Variants in NDST1 observed in about 807,000 individuals in gnomAD.
NDST1 encodes the protein bifunctional heparan sulfate N-deacetylase/N-sulfotransferase 1.
NDST1 carries 35 observed loss-of-function variants against 92.8 expected under a neutral mutation model. That is an observed-to-expected ratio of 0.38 (90% CI 0.29 to 0.50). NDST1 has a LOEUF of 0.50. NDST1 is among the 20% of genes least tolerant of loss of function. The pLI is 0.94. For missense variants in NDST1, 822 were observed against 1,182.7 expected (o/e 0.69, Z 4.47); for synonymous variants, 493 against 500.3 (o/e 0.99, Z 0.19).
Position 150,522,549 on chromosome 5 carries a change from A to C in NDST1, c.513+782A>C, listed in dbSNP as rs377101839. 1.2e-4 allele frequency among the ~76,000 whole-genome samples: 18 copies of C among 152,206 alleles called. No individual in the cohort carries two copies. The East Asian group carries it at 3.5e-3, about 29-fold the overall frequency. ...TGGGACTCTTAGTTGGATGCTTTGG[A>C]GGTGGCAGGGAATTTGTTCCTTCAT... is the stretch of plus-strand genomic sequence containing the variant. On this transcript the variant is annotated intron_variant, in intron 2 of 14. Coordinates refer to ENST00000261797, the MANE Select transcript of NDST1 (RefSeq NM_001543.5).
chr5:150,545,635 A>G, intron 11 of NDST1, 149 bp downstream of exon 11: 1 of 1,001,452 alleles, frequency 1.0e-6, no homozygotes, highest in Non-Finnish European at 1.5e-6. Flanking sequence ...ATGGCTGAGA[A>G]TAGAGTCCTT....
intron 1 of NDST1, among the ~76,000 whole-genome samples, chr5:150,512,955 C>T (rs1341142996): frequency 6.6e-6 from 1 of 152,170 alleles, no homozygotes; most frequent in East Asian, 1.9e-4. Flanking sequence ...GTAATCCCAG[C>T]ACTTTGGGAA....
chr5:150,536,729 A>C (rs75432756), intron 6 of NDST1, among the ~76,000 whole-genome samples: 5,393 of 152,030 alleles, frequency 0.035, 329 homozygotes, highest in East Asian at 0.29. Context: ...CCATGCCTGG[A>C]TAATTTTGTA....
In NDST1 at chr5:150,545,324, C is replaced by G; in HGVS notation, c.1983C>G (p.Phe661Leu). 1 of 1,614,244 alleles carries G rather than the reference C, an allele frequency of 6.2e-7. No homozygotes were observed. The highest frequency in any genetic ancestry group is 8.5e-7 in the Non-Finnish European group (1 of 1,180,044). Residue 661 changes from phenylalanine (F) to leucine (L), a missense_variant, in exon 11 of 15, where the codon TTC (phenylalanine) becomes TTG (leucine). By Grantham distance (22) the Phe-to-Leu change is conservative. Coordinates refer to ENST00000261797, the MANE Select transcript of NDST1 (RefSeq NM_001543.5). ...GGGCTTCCTGCAGGTACATGGAGTT[C>G]TTCCCCATCCCTTCCAACACCACCT... ...YHKGIDWYMEFFPIPSNTTSD... is the reference protein window; with the variant it reads ...YHKGIDWYMELFPIPSNTTSD...
intron 8 of NDST1, among the ~76,000 whole-genome samples, chr5:150,540,650 T>C (rs747148821): frequency 6.6e-6 from 1 of 152,022 alleles, no homozygotes; most frequent in Non-Finnish European, 1.5e-5. Flanking sequence ...ACCCTGTCTC[T>C]ACAAAAAATA....
Position 150,521,917 on chromosome 5 carries a change from A to G in NDST1, c.513+150A>G. On this transcript the variant is annotated intron_variant, in intron 2 of 14. Transcript: ENST00000261797. The surrounding 1 kb of genome is among the most constrained non-coding windows in gnomAD (Gnocchi z 5.9). ...GAGTGAGTATATGTAAAGCACTGGG[A>G]GCATGCGGTGCCCACTGCCTGGCAA... 1 of 1,061,972 alleles carries G rather than the reference A, an allele frequency of 9.4e-7. No homozygotes were observed. Among genetic ancestry groups the G allele is most frequent in the South Asian group, 1.3e-5 (1 of 74,254 alleles). The allele number at this position is 1,061,972 out of a possible 1,614,324, so 65.8% of individuals were successfully genotyped here.
At chr5:150,513,693 T>C (rs1753828791) in intron 1 of NDST1, among the ~76,000 whole-genome samples, 1 of 152,142 alleles carries the variant, frequency 6.6e-6, no homozygotes, top group Non-Finnish European at 1.5e-5. Flanking sequence ...CATACCTGCT[T>C]TTATGGAGCT....
At chr5:150,531,644 C>T (rs1032511311) in intron 3 of NDST1, among the ~76,000 whole-genome samples, 12 of 150,200 alleles carry the variant, frequency 8.0e-5, no homozygotes, top group Non-Finnish European at 1.5e-4. Context: ...GGATTACAGG[C>T]GCCTGCCACC....
chr5:150,526,183 G>A lies in NDST1; in HGVS notation c.514-1621G>A, dbSNP rs10054051. Among the ~76,000 whole-genome samples, 698 of 152,272 alleles carry A rather than the reference G, an allele frequency of 4.6e-3. 7 individuals carry two copies. The highest frequency in any genetic ancestry group is 0.016 in the African/African-American group (673 of 41,552). On this transcript the variant is annotated intron_variant, in intron 2 of 14. Transcript: ENST00000261797. Reference sequence around the variant, plus strand: ...GTTAGCTCAAAAGTCCCTTTCTCCAGGAGACCTCCTGAGCCCACTAACTGT... The same window carrying A: ...GTTAGCTCAAAAGTCCCTTTCTCCAAGAGACCTCCTGAGCCCACTAACTGT...
Position 150,545,460 on chromosome 5 carries a change from G to C in NDST1, c.2119G>C (p.Ala707Pro). 1 of 1,614,212 alleles carries C rather than the reference G, an allele frequency of 6.2e-7. No homozygotes were observed. The change falls in exon 11 of 15, where the codon GCG becomes CCG. Residue 707 changes from alanine to proline, a missense_variant. Physicochemically the swap from Ala to Pro is conservative, Grantham distance 27. Transcript: ENST00000261797. ...AKVLTILINP[A>P]DRAYSWYQHQ... ...GGTCCTGACCATCCTCATCAACCCC[G>C]CGGACCGGGCCTATTCCTGGTACCA... is the stretch of plus-strand genomic sequence containing the variant.
Position 150,545,417 on chromosome 5 carries a change from C to A in NDST1, c.2076C>A (p.Ala692=), listed in dbSNP as rs1561607065. ...AAGTGGCGCCCCGGCGGGCAGCAGC[C>A]CTCTTGCCCAAAGCCAAGGTCCTGA... is the stretch of plus-strand genomic sequence containing the variant. ...DSEVAPRRAA[A]LLPKAKVLTI... Residue 692 remains alanine (A), a synonymous_variant, in exon 11 of 15, where the codon GCC becomes GCA. Coordinates refer to ENST00000261797, the MANE Select transcript of NDST1 (RefSeq NM_001543.5). 1 of 1,614,254 alleles carries A rather than the reference C, an allele frequency of 6.2e-7. No homozygotes were observed. Among genetic ancestry groups the A allele is most frequent in the Non-Finnish European group, 8.5e-7 (1 of 1,180,042 alleles).
At chr5:150,499,435 CT>C (rs1459267368) in intron 1 of NDST1, among the ~76,000 whole-genome samples, 1 of 152,214 alleles carries the variant, frequency 6.6e-6, no homozygotes, top group Non-Finnish European at 1.5e-5. Context: ...CTATGAACCA[CT>C]TTCTCTCCTA....
rs1379683465 is a variant in NDST1 at position 150,539,364 on chromosome 5, C to T, written c.1566+8C>T. The T allele has an allele frequency of 1.9e-6, 3 of 1,613,838 alleles. No individual in the cohort carries two copies. The highest frequency in any genetic ancestry group is 8.5e-7 in the Non-Finnish European group (1 of 1,179,968). Reference sequence around the variant, plus strand: ...ACCGTGCTCCTCAATCCTGTGAGTGCTCCACAGCCCATGGCTGCTGGTGAG... The same window carrying T: ...ACCGTGCTCCTCAATCCTGTGAGTGTTCCACAGCCCATGGCTGCTGGTGAG... On this transcript the variant is annotated splice_region_variant and intron_variant, in intron 7 of 14. Coordinates refer to ENST00000261797, the MANE Select transcript of NDST1 (RefSeq NM_001543.5).
chr5:150,521,298 C>G lies in NDST1; in HGVS notation c.44C>G (p.Ser15Cys), dbSNP rs935946245. 1.1e-5 allele frequency: 18 copies of G among 1,612,644 alleles called. No individual in the cohort carries two copies. The highest frequency in any genetic ancestry group is 1.5e-5 in the Non-Finnish European group (18 of 1,179,882). Residue 15 changes from serine (S) to cysteine (C), a missense_variant, in exon 2 of 15, where the codon TCC (serine) becomes TGC (cysteine). Physicochemically the swap from Ser to Cys is moderately radical, Grantham distance 112 (BLOSUM62 -1). Coordinates refer to ENST00000261797, the MANE Select transcript of NDST1 (RefSeq NM_001543.5). This position sits in a 1 kb window ranked among gnomAD's most constrained non-coding sequence, Gnocchi z 5.9. Reference sequence around the variant, plus strand: ...CTCCGGAGGCTGTGTCGGCACGTGTCCCCGCAGGCTGTCCTTTTCCTGCTG... The same window carrying G: ...CTCCGGAGGCTGTGTCGGCACGTGTGCCCGCAGGCTGTCCTTTTCCTGCTG... Reference protein sequence around the residue: ...ACLRRLCRHVSPQAVLFLLFI... With the variant: ...ACLRRLCRHVCPQAVLFLLFI...
At chr5:150,512,529 G>A (rs1007424043) in intron 1 of NDST1, among the ~76,000 whole-genome samples, 1 of 152,236 alleles carries the variant, frequency 6.6e-6, no homozygotes, top group African/African-American at 2.4e-5. Flanking sequence ...TCGTTTGCTT[G>A]TTCCGCACTC....
intron 1 of NDST1, among the ~76,000 whole-genome samples, chr5:150,498,880 G>A (rs1753111743): frequency 6.6e-6 from 1 of 152,160 alleles, no homozygotes; most frequent in African/African-American, 2.4e-5. Context: ...TTTTGGGGAG[G>A]AAACACAGGA....
intron 6 of NDST1, among the ~76,000 whole-genome samples, chr5:150,538,790 C>T (rs576832846): frequency 8.5e-5 from 13 of 152,300 alleles, no homozygotes; most frequent in African/African-American, 2.6e-4. Flanking sequence ...CCATTCCCTG[C>T]TCCCTTGGAG....
intron 7 of NDST1, 145 bp from the exon 8 acceptor site, chr5:150,539,937 C>A: frequency 1.6e-6 from 2 of 1,234,130 alleles, no homozygotes; most frequent in Admixed American, 2.1e-5. Context: ...GTACTCGCAG[C>A]GAGTTTGTTG....
rs1251895181 is a variant in NDST1, at chr5:150,554,327, G to A, written c.*995G>A. On this transcript the variant is annotated 3_prime_UTR_variant, in exon 15 of 15. Coordinates refer to ENST00000261797, the MANE Select transcript of NDST1 (RefSeq NM_001543.5). The stretch of plus-strand genomic sequence containing the variant: ...AGTTTATACCCTGGGTGCTGGGGTC[G>A]CACTGTGTTATATATATATATATAT... 6 of 182,220 alleles carry A rather than the reference G, an allele frequency of 3.3e-5. No homozygotes were observed. The highest frequency in any genetic ancestry group is 9.3e-5 in the East Asian group (1 of 10,742). The allele number at this position is 182,220 out of a possible 1,614,324, so 11.3% of individuals were successfully genotyped here. A position where few individuals can be genotyped will look rare whatever the true frequency, so the allele number is the denominator to read the frequency against.
Sources: gnomAD v4.1 joint callset for allele counts (sites outside exome capture counted in the v4.1 genomes callset) on GRCh38, gnomAD v4.1.1 for gene constraint, Gnocchi (gnomAD v3.1) non-coding constraint, MANE v1.5 for transcripts, NCBI Gene and HGNC (gene_info 2026-07-23, HGNC 2026-07-21) for gene names.